DNAH12: variants seen among roughly 807,000 people sequenced by gnomAD.
DNAH12 encodes the protein axonemal beta dynein heavy chain 12.
A neutral mutation model predicts 371.5 loss-of-function variants in DNAH12; 285 were observed. The observed-to-expected ratio is 0.77, with a 90% CI of 0.70 to 0.85. The LOEUF (loss-of-function observed/expected upper bound fraction) is 0.85, where lower values mean the gene tolerates loss of function less well. Ranked by LOEUF, DNAH12 falls within the 40% of genes least tolerant of loss-of-function variation. The pLI is 0.00. For synonymous variants in DNAH12, 1,200 were observed against 1,213.0 expected (o/e 0.99, Z 0.22); for missense variants, 3,611 against 3,689.4 (o/e 0.98, Z 0.55).
At chr3:57,328,243 G>A (rs1233898563) in intron 62 of DNAH12, among the ~76,000 whole-genome samples, 2 of 151,740 alleles carry the variant, frequency 1.3e-5, no homozygotes, top group African/African-American at 4.9e-5. Context: ...CCAAAGCCTG[G>A]CAGAGACACA....
At chr3:57,336,036 C>T (rs1346088278) in intron 60 of DNAH12, among the ~76,000 whole-genome samples, 1 of 152,110 alleles carries the variant, frequency 6.6e-6, no homozygotes, top group Non-Finnish European at 1.5e-5. Flanking sequence ...CCTGGAAGTG[C>T]AGTGGCACAA....
chr3:57,554,143 CA>C, the DNAH12 span, among the ~76,000 whole-genome samples: 85 of 138,490 alleles, frequency 6.1e-4, no homozygotes, highest in African/African-American at 1.1e-3. Flanking sequence ...AAAAATTAGC[CA>C]GACATGGCAG....
At chr3:57,376,834 T>C (rs2063291912) in intron 53 of DNAH12, 147 bp downstream of exon 53, 1 of 152,174 alleles carries the variant, frequency 6.6e-6, no homozygotes, top group African/African-American at 2.4e-5. Context: ...ATATCCTTGT[T>C]TGGAGAAGCC....
At position 57,508,416 on chromosome 3, in the gene DNAH12, CA is replaced by C. The variant is rs1251914106; in HGVS notation, c.666del (p.Phe222LeufsTer23). ...GTGAAGTCCAACAAAACTGTATCAG[CA>C]AATGTTGTATAACCAAGGTCCAGTA... ...KMLLDLGYTT[F>X]ADTVLLDFTG... On this transcript the variant is annotated frameshift_variant, in exon 7 of 74. Coordinates refer to ENST00000495027, the MANE Select transcript of DNAH12 (RefSeq NM_001366028.2). LOFTEE classifies it high-confidence loss of function. The C allele has an allele frequency of 5.0e-6, 8 of 1,608,196 alleles. No individual in the cohort carries two copies. In the South Asian group the frequency reaches 7.8e-5, roughly 16 times the overall value.
chr3:57,309,801 G>A lies in DNAH12; in HGVS notation c.10950C>T (p.Asp3650=). The change falls in exon 68 of 74, where the codon GAC becomes GAT. Residue 3650 remains aspartate (D), a synonymous_variant. Transcript: ENST00000495027. ...PEIFGLHENV[D]ISKDLQQTKT... is the part of the protein sequence containing the mutation. ...TTGTTTGTTGAAGATCCTTGGAGAT[G>A]TCAACGTTTTCATGTAATCCAAATA... is the stretch of plus-strand genomic sequence containing the variant. The A allele has an allele frequency of 1.3e-6, 2 of 1,551,308 alleles. No homozygotes were observed. The highest frequency in any genetic ancestry group is 1.7e-6 in the Non-Finnish European group (2 of 1,146,820).
intron 11 of DNAH12, among the ~76,000 whole-genome samples, chr3:57,496,794 C>A (rs994478309): frequency 6.6e-6 from 1 of 151,804 alleles, no homozygotes; most frequent in African/African-American, 2.4e-5. Context: ...CATGGCAAAA[C>A]CCTGTCTCTA....
intron 37 of DNAH12, 70 bp from the exon 38 acceptor site, chr3:57,415,634 C>A: frequency 7.0e-7 from 1 of 1,427,168 alleles, no homozygotes; most frequent in South Asian, 1.5e-5. Flanking sequence ...CTAAAGGAGG[C>A]GGTAGTTAAA....
At chr3:57,442,749 G>T (rs954062936) in intron 29 of DNAH12, among the ~76,000 whole-genome samples, 4 of 152,006 alleles carry the variant, frequency 2.6e-5, no homozygotes, top group African/African-American at 7.3e-5. Flanking sequence ...AATCATATTA[G>T]CATATTCTGA....
At chr3:57,346,383 T>C (rs1427855726) in intron 60 of DNAH12, among the ~76,000 whole-genome samples, 3 of 152,052 alleles carry the variant, frequency 2.0e-5, no homozygotes, top group African/African-American at 7.2e-5. Flanking sequence ...CTTAGATAGA[T>C]TAGTTGTAAA....
At position 57,322,887 on chromosome 3, in the gene DNAH12, G is replaced by A. The variant is rs985641586; in HGVS notation, c.10383+120C>T. 4.5e-5 allele frequency: 62 copies of A among 1,366,992 alleles called. No individual in the cohort carries two copies. In the African/African-American group the frequency reaches 4.7e-4, roughly 10 times the overall value. The allele number at this position is 1,366,992 out of a possible 1,614,324, so 84.7% of individuals were successfully genotyped here. On this transcript the variant is annotated intron_variant, in intron 64 of 73. Transcript: ENST00000495027. ...GAAGTTTGCGGTGAGCCGAAATTGC[G>A]CCACTGCACTCCAGCCTGGGAGACA...
Position 57,323,568 on chromosome 3 carries a change from CA to C in DNAH12, c.10029del (p.Phe3343LeufsTer2). The C allele has an allele frequency of 6.5e-7, 1 of 1,550,374 alleles. No individual in the cohort carries two copies. On this transcript the variant is annotated frameshift_variant, in exon 63 of 74. Transcript: ENST00000495027. LOFTEE classifies it high-confidence loss of function. ...NYVTDKLGKK[F>X]VEPPPFDLTK... ...GTCAAATCAAATGGTGGAGGCTCTA[CA>C]AACTTTTTCCCTAGTTTGTCAGTTA...
At chr3:57,510,659 G>T in intron 5 of DNAH12, 131 bp downstream of exon 5, 1 of 819,044 alleles carries the variant, frequency 1.2e-6, no homozygotes, top group Non-Finnish European at 1.9e-6. Context: ...AAAAAGAAAA[G>T]AAGAAAAAAA....
chr3:57,510,515 C>T (rs1373252478), intron 5 of DNAH12, among the ~76,000 whole-genome samples: 1 of 151,878 alleles, frequency 6.6e-6, no homozygotes, highest in Non-Finnish European at 1.5e-5. Context: ...TGGTGTGTGC[C>T]TGAAGTTCCA....
intron 60 of DNAH12, among the ~76,000 whole-genome samples, chr3:57,337,127 T>C (rs2062242525): frequency 6.6e-6 from 1 of 152,178 alleles, no homozygotes; most frequent in Non-Finnish European, 1.5e-5. Context: ...AAACAGACTT[T>C]AAGTTAAAAA....
chr3:57,520,468 AGT>A (rs2068382680), intron 4 of DNAH12, among the ~76,000 whole-genome samples: 1 of 134,562 alleles, frequency 7.4e-6, no homozygotes, highest in African/African-American at 2.8e-5. Context: ...TTTGAGACGG[AGT>A]CTTGCTCTGT....
intron 35 of DNAH12, among the ~76,000 whole-genome samples, chr3:57,423,472 G>A (rs1018707184): frequency 6.6e-6 from 1 of 152,120 alleles, no homozygotes; most frequent in African/African-American, 2.4e-5. Context: ...CGAAAAAGGA[G>A]GACAAAAGGA....
chr3:57,495,887 T>C (rs2067298559), intron 11 of DNAH12, among the ~76,000 whole-genome samples: 1 of 142,014 alleles, frequency 7.0e-6, no homozygotes, highest in Non-Finnish European at 1.5e-5. Flanking sequence ...TTAAAATATA[T>C]TTTTATATAT....
rs1010824561 is a variant in DNAH12 at position 57,372,857 on chromosome 3, A to G, written c.8759+2514T>C. Among the ~76,000 whole-genome samples, 46 of 152,294 alleles carry G rather than the reference A, an allele frequency of 3.0e-4. No homozygotes were observed. The South Asian group carries it at 9.5e-3, about 32-fold the overall frequency. On this transcript the variant is annotated intron_variant, in intron 55 of 73. Transcript: ENST00000495027. Reference sequence around the variant, plus strand: ...GGTAGATTTAAATCTAAGTGTATCAATAATTCCACTAAATGTAAATGATCT... The same window carrying G: ...GGTAGATTTAAATCTAAGTGTATCAGTAATTCCACTAAATGTAAATGATCT...
intron 12 of DNAH12, 58 bp from the exon 13 acceptor site, chr3:57,483,569 TAAATGTGTGTTATGAC>T: frequency 6.8e-7 from 1 of 1,461,592 alleles, no homozygotes; most frequent in Non-Finnish European, 9.1e-7. Context: ...TCATATTCAA[TAAATGTGTGTTATGAC>T]GATTACTATA....
Sources: allele counts gnomAD v4.1 joint callset (sites outside exome capture counted in the v4.1 genomes callset), GRCh38; gene constraint gnomAD v4.1.1; transcripts MANE v1.5; gene names NCBI Gene and HGNC (gene_info 2026-07-23, HGNC 2026-07-21).